MTCL2: variants seen among roughly 807,000 people sequenced by gnomAD.
MTCL2 encodes microtubule cross-linking factor 2.
the MTCL2 span, among the ~76,000 whole-genome samples, chr20:36,809,694 G>A: frequency 6.6e-6 from 1 of 151,164 alleles, no homozygotes; most frequent in South Asian, 2.1e-4. Flanking sequence ...TCTTGCCTCA[G>A]CCTCCTGAGT....
chr20:36,826,047 C>T, the MTCL2 span, among the ~76,000 whole-genome samples: 2 of 151,694 alleles, frequency 1.3e-5, no homozygotes, highest in Non-Finnish European at 2.9e-5. Flanking sequence ...CGTTCTGTCG[C>T]CCAGGCTGGA....
At chr20:36,855,648 C>G in the MTCL2 span, among the ~76,000 whole-genome samples, 31 of 152,210 alleles carry the variant, frequency 2.0e-4, no homozygotes, top group African/African-American at 7.2e-4. Context: ...TCCTAGGGGA[C>G]TCTCTCTGCC....
chr20:36,811,203 C>T, the MTCL2 span, among the ~76,000 whole-genome samples: 1 of 152,200 alleles, frequency 6.6e-6, no homozygotes, highest in African/African-American at 2.4e-5. Flanking sequence ...TCTGCTGTCC[C>T]TGGTTTCCTC....
chr20:36,794,354 G>A, the MTCL2 span: 9 of 1,602,150 alleles, frequency 5.6e-6, no homozygotes, highest in Middle Eastern at 1.6e-4. This position sits in a 1 kb window ranked among gnomAD's most constrained non-coding sequence, Gnocchi z 5.4. Flanking sequence ...GTCAGGAGCC[G>A]TGTAGCTGCG....
At chr20:36,862,869 G>A in the MTCL2 span, 1 of 1,229,742 alleles carries the variant, frequency 8.1e-7, no homozygotes, top group South Asian at 3.1e-5. Context: ...GGGCTGGGCC[G>A]GCTGCCCCGT....
chr20:36,847,245 C>T, the MTCL2 span, among the ~76,000 whole-genome samples: 2 of 152,296 alleles, frequency 1.3e-5, no homozygotes, highest in Admixed American at 1.3e-4. Flanking sequence ...TGGGTCAGTG[C>T]GTCATAACTG....
At chr20:36,794,782 T>C in the MTCL2 span, 3 of 762,102 alleles carry the variant, frequency 3.9e-6, no homozygotes, top group Admixed American at 5.2e-5. The surrounding 1 kb of genome is among the most constrained non-coding windows in gnomAD (Gnocchi z 5.4). Flanking sequence ...TTTTTTTTTT[T>C]TCTCCCAAAC....
the MTCL2 span, among the ~76,000 whole-genome samples, chr20:36,814,267 T>C: frequency 6.6e-6 from 1 of 152,156 alleles, no homozygotes; most frequent in African/African-American, 2.4e-5. Context: ...AGACAAGGCA[T>C]CATAAATTAA....
the MTCL2 span, among the ~76,000 whole-genome samples, chr20:36,786,887 G>A: frequency 4.6e-3 from 701 of 152,258 alleles, 7 homozygotes; most frequent in African/African-American, 0.016. Flanking sequence ...GGTCCTGCAC[G>A]CCAAAGAGAT....
chr20:36,851,215 C>T, the MTCL2 span, among the ~76,000 whole-genome samples: 1 of 151,760 alleles, frequency 6.6e-6, no homozygotes, highest in East Asian at 1.9e-4. Context: ...TATATTTGTA[C>T]AATATATTAT....
At chr20:36,858,772 C>T in the MTCL2 span, among the ~76,000 whole-genome samples, 1 of 152,056 alleles carries the variant, frequency 6.6e-6, no homozygotes, top group Non-Finnish European at 1.5e-5. Flanking sequence ...ATGAGGTTGT[C>T]CAGGCAGGTT....
At chr20:36,801,982 A>C in the MTCL2 span, among the ~76,000 whole-genome samples, 2 of 151,206 alleles carry the variant, frequency 1.3e-5, no homozygotes, top group African/African-American at 2.4e-5. Context: ...TAAATAAATA[A>C]AAATAAATAA....
chr20:36,796,674 C>G, the MTCL2 span, among the ~76,000 whole-genome samples: 2 of 152,196 alleles, frequency 1.3e-5, no homozygotes, highest in Non-Finnish European at 2.9e-5. Context: ...AGCCTTCCAG[C>G]TCCTGAGTGG....
chr20:36,798,311 G>A, the MTCL2 span, among the ~76,000 whole-genome samples: 2 of 152,150 alleles, frequency 1.3e-5, no homozygotes, highest in South Asian at 2.1e-4. Context: ...CAGGTGATCC[G>A]CCTGCCTCGA....
At chr20:36,809,882 C>A in the MTCL2 span, 1 of 1,441,244 alleles carries the variant, frequency 6.9e-7, no homozygotes, top group Non-Finnish European at 9.4e-7. Flanking sequence ...CCTCCCCTGA[C>A]TTTCTTGACT....
At chr20:36,809,423 A>C in the MTCL2 span, among the ~76,000 whole-genome samples, 1 of 152,180 alleles carries the variant, frequency 6.6e-6, no homozygotes, top group Non-Finnish European at 1.5e-5. Flanking sequence ...CATAAATGGG[A>C]AACTGAGGTC....
the MTCL2 span, chr20:36,815,739 G>A: frequency 2.5e-6 from 4 of 1,592,270 alleles, no homozygotes; most frequent in Non-Finnish European, 3.4e-6. The surrounding 1 kb of genome is among the most constrained non-coding windows in gnomAD (Gnocchi z 5.3). Context: ...CTCCTGTGAA[G>A]GTTCGCTGAG....
chr20:36,827,356 CCT>C, the MTCL2 span, among the ~76,000 whole-genome samples: 1 of 146,092 alleles, frequency 6.8e-6, no homozygotes, highest in East Asian at 2.0e-4. Context: ...CCTGGACCCC[CCT>C]TTTTTTTTTT....
chr20:36,817,266 CAAA>C, the MTCL2 span: 8,328 of 507,974 alleles, frequency 0.016, no homozygotes, highest in East Asian at 0.02. Flanking sequence ...GACTCCGTCT[CAAA>C]AAAAAAAAAA....
Sources: allele counts gnomAD v4.1 joint callset (sites outside exome capture counted in the v4.1 genomes callset), GRCh38; gene constraint gnomAD v4.1.1; non-coding constraint Gnocchi (gnomAD v3.1); transcripts MANE v1.5; gene names NCBI Gene and HGNC (gene_info 2026-07-23, HGNC 2026-07-21).